Variants in SNX25 observed in about 807,000 individuals in gnomAD.
SNX25 encodes the protein sorting nexin-25.
In SNX25, 62 loss-of-function variants were observed where a neutral mutation model predicts 113.7. The ratio of observed to expected loss-of-function variants is 0.55; its 90% CI spans 0.44 to 0.67. SNX25 has a LOEUF of 0.67. SNX25 is among the 30% of genes least tolerant of loss of function. SNX25 has a pLI of 0.00. For synonymous variants in SNX25, 421 were observed against 436.2 expected (o/e 0.97, Z 0.43); for missense variants, 1,014 against 1,161.0 (o/e 0.87, Z 1.84).
intron 7 of SNX25, among the ~76,000 whole-genome samples, chr4:185,314,440 A>G (rs1443901443): frequency 6.6e-6 from 1 of 152,218 alleles, no homozygotes; most frequent in African/African-American, 2.4e-5. Context: ...GGACATCACT[A>G]ACAGATGCTA....
In SNX25 at chr4:185,242,570, A is replaced by G. The variant is rs371658053; in HGVS notation, c.430-4724A>G. On this transcript the variant is annotated intron_variant, in intron 1 of 18. Transcript: ENST00000652585. ...CAAAGGATGCAGATGAAGAAATGCT[A>G]CGGTGAGGTATGGGGGAGGGGTGCG... Among the ~76,000 whole-genome samples the G allele has an allele frequency of 2.4e-3, 373 of 152,358 alleles. 2 individuals carry two copies. The highest frequency in any genetic ancestry group is 8.5e-3 in the African/African-American group (354 of 41,588).
At chr4:185,305,672 G>C (rs1754363466) in intron 6 of SNX25, among the ~76,000 whole-genome samples, 1 of 152,288 alleles carries the variant, frequency 6.6e-6, no homozygotes, top group African/African-American at 2.4e-5. Flanking sequence ...TAATGTCTTT[G>C]TAGCCAAAAG....
intron 6 of SNX25, among the ~76,000 whole-genome samples, chr4:185,307,436 G>A (rs1427286922): frequency 1.3e-5 from 2 of 152,234 alleles, no homozygotes; most frequent in Admixed American, 6.5e-5. Flanking sequence ...TTTCTCTAGC[G>A]GTCCTCTGGG....
chr4:185,374,170 A>G, downstream of SNX25: 6 of 1,614,162 alleles, frequency 3.7e-6, no homozygotes, highest in Non-Finnish European at 5.1e-6. Flanking sequence ...GTTGAGTAAT[A>G]CAGCCCGAGC....
intron 5 of SNX25, among the ~76,000 whole-genome samples, chr4:185,272,545 C>A (rs1215637276): frequency 6.6e-6 from 1 of 152,164 alleles, no homozygotes; most frequent in African/African-American, 2.4e-5. Flanking sequence ...GCCTCGGCTT[C>A]ACCCCTAGGA....
chr4:185,342,202 C>A, intron 12 of SNX25, 86 bp downstream of exon 12: 2 of 1,389,348 alleles, frequency 1.4e-6, no homozygotes, highest in South Asian at 1.8e-5. Flanking sequence ...GATTAATCTT[C>A]TTCCTTTGCT....
intron 1 of SNX25, among the ~76,000 whole-genome samples, chr4:185,228,047 C>T (rs189584876): frequency 2.2e-4 from 33 of 152,142 alleles, no homozygotes; most frequent in Admixed American, 2.0e-3. Context: ...GAGGGAGGAC[C>T]GAGGGTGTGC....
At position 185,353,611 on chromosome 4, in the gene SNX25, CTTT is replaced by C; in HGVS notation, c.2584+10_2584+12del. ...TTTTGAACTTCGAGGAAGTAAGCTTCTTTGTTATTATTTAGTGGTATTTGCTAG... is the reference window on the plus strand; with the variant it reads ...TTTTGAACTTCGAGGAAGTAAGCTTCGTTATTATTTAGTGGTATTTGCTAG... On this transcript the variant is annotated intron_variant, in intron 15 of 18. Coordinates refer to ENST00000652585, the MANE Select transcript of SNX25 (RefSeq NM_001378034.2). 1.2e-6 allele frequency: 2 copies of C among 1,602,180 alleles called. No homozygotes were observed. The highest frequency in any genetic ancestry group is 1.7e-4 in the Middle Eastern group (1 of 6,040).
At chr4:185,211,142 G>C (rs1445768055) in intron 1 of SNX25, among the ~76,000 whole-genome samples, 2 of 152,164 alleles carry the variant, frequency 1.3e-5, no homozygotes, top group East Asian at 3.9e-4. Context: ...ATTTGTTAAT[G>C]ATCATTTGTC....
chr4:185,322,742 T>C (rs538681863), intron 8 of SNX25, among the ~76,000 whole-genome samples: 4 of 152,208 alleles, frequency 2.6e-5, no homozygotes, highest in Non-Finnish European at 5.9e-5. Flanking sequence ...TCCTAAACTA[T>C]GGAAGAGAAT....
rs1453488680 is a variant in SNX25 at position 185,267,088 on chromosome 4, C to A, written c.1024C>A (p.Pro342Thr). Residue 342 changes from proline (P) to threonine (T), a missense_variant, in exon 5 of 19, where the codon CCC becomes ACC. Coordinates refer to ENST00000652585, the MANE Select transcript of SNX25 (RefSeq NM_001378034.2). ...EHHKRAYTYA[P>T]SYEDFIKLIN... is the part of the protein sequence containing the mutation. ...TCACAAGAGAGCCTACACCTATGCC[C>A]CCTCTTACGAGGACTTCATCAAGCT... 1 of 1,613,964 alleles carries A rather than the reference C, an allele frequency of 6.2e-7. No individual in the cohort carries two copies. The highest frequency in any genetic ancestry group is 2.2e-5 in the East Asian group (1 of 44,864).
chr4:185,339,024 TG>T (rs1030389871), intron 10 of SNX25, among the ~76,000 whole-genome samples: 3 of 152,200 alleles, frequency 2.0e-5, no homozygotes, highest in Non-Finnish European at 4.4e-5. Context: ...GAAATTTTGT[TG>T]GGGATTGCAT....
chr4:185,206,236 G>A (rs1009983464), upstream of SNX25, among the ~76,000 whole-genome samples: 4 of 152,142 alleles, frequency 2.6e-5, no homozygotes, highest in Non-Finnish European at 5.9e-5. Flanking sequence ...GCCAAAAGGC[G>A]GAAAAAACTC....
At chr4:185,296,403 A>G (rs551834540) in intron 6 of SNX25, among the ~76,000 whole-genome samples, 13 of 152,264 alleles carry the variant, frequency 8.5e-5, no homozygotes, top group Non-Finnish European at 8.8e-5. Flanking sequence ...AAATCCACCC[A>G]AAACTGCACG....
At chr4:185,325,532 CAAAA>C (rs34665853) in intron 9 of SNX25, among the ~76,000 whole-genome samples, 60 of 111,660 alleles carry the variant, frequency 5.4e-4, no homozygotes, top group Non-Finnish European at 1.3e-4. Flanking sequence ...GACTCCGTCT[CAAAA>C]AAAAAAAAAA....
At chr4:185,367,228 G>A (rs1251970350), downstream of SNX25, 2 of 1,611,818 alleles carry the variant, frequency 1.2e-6, no homozygotes, top group South Asian at 1.1e-5. Flanking sequence ...CTGCCAATGC[G>A]GGATTCAGAC....
At position 185,363,442 on chromosome 4, in the gene SNX25, C is replaced by A; in HGVS notation, c.2992C>A (p.Gln998Lys). ...TCCTGAGCTGAGAGTTCATTTAGAT[C>A]AACTTAAAGCTGGCCAAGTTTGAGA... Reference protein sequence around the residue: ...LCPELRVHLDQLKAGQV With the variant: ...LCPELRVHLDKLKAGQV Residue 998 changes from glutamine to lysine, a missense_variant, in exon 19 of 19, where the codon CAA becomes AAA. By Grantham distance (53) the Gln-to-Lys change is moderately conservative. Coordinates refer to ENST00000652585, the MANE Select transcript of SNX25 (RefSeq NM_001378034.2). This position sits in a 1 kb window ranked among gnomAD's most constrained non-coding sequence, Gnocchi z 4.2. The A allele has an allele frequency of 6.2e-7, 1 of 1,613,946 alleles. No homozygotes were observed.
chr4:185,215,985 C>T (rs1467103529), intron 1 of SNX25, among the ~76,000 whole-genome samples: 5 of 151,904 alleles, frequency 3.3e-5, no homozygotes, highest in African/African-American at 4.8e-5. Flanking sequence ...TTGGTAGAGA[C>T]GGGGTTTTGC....
intron 6 of SNX25, among the ~76,000 whole-genome samples, chr4:185,289,800 C>T (rs770737312): frequency 7.2e-5 from 11 of 152,134 alleles, no homozygotes; most frequent in Non-Finnish European, 1.5e-4. Context: ...TTTAGTGCCC[C>T]TCTTTGAGTT....
Sources: gnomAD v4.1 joint callset for allele counts (sites outside exome capture counted in the v4.1 genomes callset) on GRCh38, gnomAD v4.1.1 for gene constraint, Gnocchi (gnomAD v3.1) non-coding constraint, MANE v1.5 for transcripts, NCBI Gene and HGNC (gene_info 2026-07-23, HGNC 2026-07-21) for gene names.